Variants in TPO observed in about 807,000 individuals in gnomAD.
The protein encoded by TPO is thyroid microsomal antigen.
A neutral mutation model predicts 96.9 loss-of-function variants in TPO; 78 were observed. The observed-to-expected ratio is 0.81, with a 90% CI of 0.67 to 0.97. TPO has a LOEUF of 0.97. Among genes scored for constraint, TPO ranks in the 50% least tolerant of loss-of-function variants. The pLI is 0.00. For missense variants in TPO, 1,252 were observed against 1,274.8 expected, an observed-to-expected ratio of 0.98 and a Z score of 0.27; for synonymous variants, 547 against 538.0, an observed-to-expected ratio of 1.02 and a Z score of -0.23.
chr2:1,451,851 C>T (rs1205745906), intron 5 of TPO, among the ~76,000 whole-genome samples: 1 of 152,030 alleles, frequency 6.6e-6, no homozygotes. Flanking sequence ...CTCATATTTC[C>T]TTCCAAATGC....
chr2:1,480,596 A>ACAC (rs1328416742), intron 8 of TPO, among the ~76,000 whole-genome samples: 29 of 139,768 alleles, frequency 2.1e-4, no homozygotes, highest in Non-Finnish European at 3.6e-4. Flanking sequence ...ACACACACAC[A>ACAC]CACACACACG....
At chr2:1,460,041 T>A (rs535624574) in intron 7 of TPO, among the ~76,000 whole-genome samples, 2 of 152,114 alleles carry the variant, frequency 1.3e-5, no homozygotes, top group Admixed American at 6.5e-5. Context: ...ATATAAGCGA[T>A]TCTCCTGCCT....
intron 5 of TPO, among the ~76,000 whole-genome samples, chr2:1,442,310 C>T (rs569631813): frequency 1.5e-4 from 23 of 152,268 alleles, no homozygotes; most frequent in African/African-American, 5.5e-4. Context: ...GGACAGTCCT[C>T]CAGAGGCAGT....
intron 2 of TPO, among the ~76,000 whole-genome samples, chr2:1,418,399 G>T (rs926482364): frequency 6.6e-6 from 1 of 152,122 alleles, no homozygotes; most frequent in African/African-American, 2.4e-5. Flanking sequence ...AGAAGGGAAA[G>T]ATCTTGGCTG....
intron 1 of TPO, among the ~76,000 whole-genome samples, chr2:1,401,421 G>A (rs527870980): frequency 2.0e-5 from 3 of 152,262 alleles, no homozygotes; most frequent in South Asian, 4.1e-4. Flanking sequence ...GATTAGTAAA[G>A]TCGCTAGTTC....
chr2:1,418,202 A>T (rs960844957), intron 2 of TPO, among the ~76,000 whole-genome samples: 1 of 151,690 alleles, frequency 6.6e-6, no homozygotes, highest in Non-Finnish European at 1.5e-5. Context: ...CACGAGAATC[A>T]GTTGAACCCA....
chr2:1,395,909 T>C (rs1269881096), intron 1 of TPO, among the ~76,000 whole-genome samples: 4 of 152,148 alleles, frequency 2.6e-5, no homozygotes, highest in Non-Finnish European at 5.9e-5. Flanking sequence ...TTGTGAGGCC[T>C]CCCCAGCCAT....
At chr2:1,409,386 A>G (rs1662293524), upstream of TPO, among the ~76,000 whole-genome samples, 1 of 152,222 alleles carries the variant, frequency 6.6e-6, no homozygotes, top group African/African-American at 2.4e-5. Context: ...GTTTGAACAA[A>G]GCTGAATAAT....
intron 1 of TPO, among the ~76,000 whole-genome samples, chr2:1,406,592 G>A (rs1002879439): frequency 2.0e-5 from 3 of 152,228 alleles, no homozygotes; most frequent in Non-Finnish European, 4.4e-5. Flanking sequence ...TCTGCCTTGT[G>A]TTTTACAGAG....
In TPO at chr2:1,520,976, C is replaced by T. The variant is rs146234829; in HGVS notation, c.2618+3994C>T. On this transcript the variant is annotated intron_variant, in intron 15 of 16. Coordinates refer to ENST00000329066, the MANE Select transcript of TPO (RefSeq NM_001206744.2). ...GCAGTTCCAGTCCTTTCTCCATTCG[C>T]TCTTGTTTTTATTATTTTTACCAAT... 5.1e-3 allele frequency among the ~76,000 whole-genome samples: 782 copies of T among 152,244 alleles called. 6 individuals are homozygous for T. Among genetic ancestry groups the T allele is most frequent in the African/African-American group, 0.018 (752 of 41,526 alleles).
intron 6 of TPO, 82 bp from the exon 7 acceptor site, chr2:1,455,994 G>C: frequency 1.4e-6 from 2 of 1,394,806 alleles, no homozygotes; most frequent in African/African-American, 2.8e-5. Context: ...AACCACACCA[G>C]GAAGTGCATG....
intron 3 of TPO, among the ~76,000 whole-genome samples, chr2:1,424,724 T>C (rs1401649479): frequency 1.3e-5 from 2 of 152,252 alleles, no homozygotes; most frequent in Non-Finnish European, 2.9e-5. Context: ...CTGTTTCTAC[T>C]GTGGAACAGT....
chr2:1,479,757 G>C (rs893926547), intron 8 of TPO, among the ~76,000 whole-genome samples: 1 of 148,034 alleles, frequency 6.8e-6, no homozygotes, highest in Non-Finnish European at 1.5e-5. Context: ...CCTCCTCCTC[G>C]TCCTCCTCCT....
chr2:1,515,178 C>T (rs1002541395), intron 14 of TPO, among the ~76,000 whole-genome samples: 1 of 152,230 alleles, frequency 6.6e-6, no homozygotes, highest in Non-Finnish European at 1.5e-5. Context: ...GCCTTCCCCG[C>T]ACCCCCAGCC....
chr2:1,491,230 A>G (rs1485916313), intron 10 of TPO, among the ~76,000 whole-genome samples: 1 of 151,976 alleles, frequency 6.6e-6, no homozygotes, highest in Non-Finnish European at 1.5e-5. Flanking sequence ...TCCCACAGGC[A>G]GGGACATCTA....
chr2:1,444,889 C>T (rs75864551), intron 5 of TPO, among the ~76,000 whole-genome samples: 27 of 3,862 alleles, frequency 7.0e-3, no homozygotes, highest in Admixed American at 0.013. Flanking sequence ...AGGCACCATG[C>T]TGGAAGGGAA....
At chr2:1,535,408 A>C (rs1186699608) in intron 15 of TPO, among the ~76,000 whole-genome samples, 3 of 68,792 alleles carry the variant, frequency 4.4e-5, no homozygotes, top group Admixed American at 2.0e-4. Context: ...AACCTCCCCA[A>C]ATCCCCCTAC....
intron 13 of TPO, among the ~76,000 whole-genome samples, chr2:1,500,558 A>T (rs1329902531): frequency 6.6e-6 from 1 of 152,242 alleles, no homozygotes; most frequent in African/African-American, 2.4e-5. Flanking sequence ...ATCTGCGGCT[A>T]CAGAAAGGAA....
chr2:1,478,243 C>T (rs1047231329), intron 8 of TPO: 69 of 985,284 alleles, frequency 7.0e-5, no homozygotes, highest in Admixed American at 1.2e-4. Context: ...TGGAGAAAAG[C>T]ACTTATGCAC....
Sources: gnomAD v4.1 joint callset for allele counts (sites outside exome capture counted in the v4.1 genomes callset) on GRCh38, gnomAD v4.1.1 for gene constraint, MANE v1.5 for transcripts, NCBI Gene and HGNC (gene_info 2026-07-23, HGNC 2026-07-21) for gene names.